Variants in LRP1B observed in about 807,000 individuals in gnomAD.
LRP1B encodes the protein low-density lipoprotein receptor-related protein 1B.
A neutral mutation model predicts 556.6 loss-of-function variants in LRP1B; 217 were observed. The observed-to-expected ratio is 0.39, with a 90% CI of 0.35 to 0.44. The LOEUF (loss-of-function observed/expected upper bound fraction) is 0.44. Ranked by LOEUF, LRP1B falls within the 20% of genes least tolerant of loss-of-function variation. LRP1B has a pLI of 1.00. For missense variants in LRP1B, 5,053 were observed against 5,620.8 expected, an observed-to-expected ratio of 0.90 and a Z score of 3.23; for synonymous variants, 2,047 against 1,865.8, an observed-to-expected ratio of 1.10 and a Z score of -2.50.
intron 51 of LRP1B, among the ~76,000 whole-genome samples, chr2:140,513,318 A>C (rs553947694): frequency 6.6e-6 from 1 of 152,246 alleles, no homozygotes; most frequent in Non-Finnish European, 1.5e-5. Context: ...GTGTCCACTC[A>C]GAAAGCACAG....
chr2:140,470,124 G>T (rs541455037), intron 60 of LRP1B, among the ~76,000 whole-genome samples: 5 of 152,232 alleles, frequency 3.3e-5, no homozygotes, highest in African/African-American at 1.2e-4. Context: ...ACAGTACAAG[G>T]TAATGCTCAA....
intron 3 of LRP1B, among the ~76,000 whole-genome samples, chr2:141,469,395 C>T (rs1475916482): frequency 6.6e-6 from 1 of 152,058 alleles, no homozygotes; most frequent in Non-Finnish European, 1.5e-5. Context: ...TAACAAAATA[C>T]CAGAGGCTTG....
intron 2 of LRP1B, among the ~76,000 whole-genome samples, chr2:141,557,534 G>T (rs1686004297): frequency 1.3e-5 from 2 of 151,982 alleles, no homozygotes; most frequent in South Asian, 4.1e-4. Flanking sequence ...TGTGAGTAAA[G>T]GTGATTCACA....
chr2:141,987,548 T>TG (rs1418665395), intron 1 of LRP1B, among the ~76,000 whole-genome samples: 6 of 50,398 alleles, frequency 1.2e-4, no homozygotes, highest in Admixed American at 8.0e-4. Flanking sequence ...TGATTTAAGC[T>TG]GTTTTTTTTT....
chr2:141,915,086 C>T (rs940644922), intron 1 of LRP1B, among the ~76,000 whole-genome samples: 3 of 152,166 alleles, frequency 2.0e-5, no homozygotes, highest in Admixed American at 6.5e-5. Context: ...ATCACATTGC[C>T]TGACTTCAAA....
intron 3 of LRP1B, among the ~76,000 whole-genome samples, chr2:141,308,638 T>C (rs548859486): frequency 6.6e-6 from 1 of 152,284 alleles, no homozygotes; most frequent in East Asian, 1.9e-4. Context: ...CGTTACCATG[T>C]TTTGTTGATA....
intron 32 of LRP1B, among the ~76,000 whole-genome samples, chr2:140,789,333 C>T (rs1261831333): frequency 6.6e-6 from 1 of 152,128 alleles, no homozygotes; most frequent in African/African-American, 2.4e-5. Context: ...ACCCCTGCTA[C>T]CACACTAGTC....
At chr2:140,314,886 T>C in intron 83 of LRP1B, 49 bp downstream of exon 83, 1 of 1,416,342 alleles carries the variant, frequency 7.1e-7, no homozygotes, top group Non-Finnish European at 9.6e-7. Flanking sequence ...GATTCATATA[T>C]AAGGAAAAGT....
At chr2:140,629,292 T>C (rs952189928) in intron 41 of LRP1B, among the ~76,000 whole-genome samples, 1 of 151,484 alleles carries the variant, frequency 6.6e-6, no homozygotes, top group East Asian at 1.9e-4. Context: ...GGTCTCAAAC[T>C]CCTGGCCTGT....
chr2:140,905,105 T>C (rs1393773845), intron 22 of LRP1B, among the ~76,000 whole-genome samples: 2 of 152,156 alleles, frequency 1.3e-5, no homozygotes, highest in Non-Finnish European at 2.9e-5. Flanking sequence ...ACTCTGTCCT[T>C]GACCAAACAC....
chr2:141,390,060 C>T (rs545480437), intron 3 of LRP1B, among the ~76,000 whole-genome samples: 1 of 152,088 alleles, frequency 6.6e-6, no homozygotes, highest in Non-Finnish European at 1.5e-5. Flanking sequence ...ATCGCTTGAA[C>T]CTGGGAGGTG....
chr2:141,018,804 C>T (rs1170904542), intron 12 of LRP1B, among the ~76,000 whole-genome samples: 1 of 152,048 alleles, frequency 6.6e-6, no homozygotes, highest in Non-Finnish European at 1.5e-5. Context: ...ACCAAAATTA[C>T]TTTATAATTA....
intron 2 of LRP1B, among the ~76,000 whole-genome samples, chr2:141,808,493 C>A (rs1274401107): frequency 6.6e-6 from 1 of 152,044 alleles, no homozygotes; most frequent in Non-Finnish European, 1.5e-5. Flanking sequence ...AGGGCCAAAG[C>A]ATTTATTATT....
chr2:140,657,411 A>C (rs962936833), intron 41 of LRP1B, among the ~76,000 whole-genome samples: 4 of 151,722 alleles, frequency 2.6e-5, no homozygotes, highest in African/African-American at 9.7e-5. Context: ...ATCTTTAGAT[A>C]TATACATTGA....
At position 142,058,517 on chromosome 2, in the gene LRP1B, C is replaced by A. The variant is rs564489686; in HGVS notation, c.82+72131G>T. On this transcript the variant is annotated intron_variant, in intron 1 of 90. Coordinates refer to ENST00000389484, the MANE Select transcript of LRP1B (RefSeq NM_018557.3). ...CTTTGAATGTGGCCTGAAACAAATT[C>A]AAAAACCTTCTCAAAACGTTATGAG... Among the ~76,000 whole-genome samples, 61 of 152,180 alleles carry A rather than the reference C, an allele frequency of 4.0e-4. 1 individual carries two copies. Among genetic ancestry groups the A allele is most frequent in the African/African-American group, 1.4e-3 (58 of 41,556 alleles).
At chr2:140,986,966 T>A (rs1435288687) in intron 17 of LRP1B, among the ~76,000 whole-genome samples, 1 of 152,206 alleles carries the variant, frequency 6.6e-6, no homozygotes, top group African/African-American at 2.4e-5. Context: ...CATTGGAAAG[T>A]CTTTTTATCT....
intron 32 of LRP1B, among the ~76,000 whole-genome samples, chr2:140,799,880 A>G (rs892297123): frequency 6.6e-6 from 1 of 152,126 alleles, no homozygotes; most frequent in Non-Finnish European, 1.5e-5. Flanking sequence ...TACCAGGTTC[A>G]TCTCACTGGG....
chr2:142,078,768 A>G (rs1282021293), intron 1 of LRP1B, among the ~76,000 whole-genome samples: 1 of 152,178 alleles, frequency 6.6e-6, no homozygotes, highest in Non-Finnish European at 1.5e-5. Flanking sequence ...ACCATGTGTA[A>G]CACATAATAG....
chr2:140,962,132 T>C (rs892190609), intron 18 of LRP1B, among the ~76,000 whole-genome samples: 9 of 152,200 alleles, frequency 5.9e-5, no homozygotes, highest in Non-Finnish European at 1.5e-5. Context: ...TTTCAGAACC[T>C]GTAAGGATTC....
Sources: gnomAD v4.1 joint callset for allele counts (sites outside exome capture counted in the v4.1 genomes callset) on GRCh38, gnomAD v4.1.1 for gene constraint, MANE v1.5 for transcripts, NCBI Gene and HGNC (gene_info 2026-07-23, HGNC 2026-07-21) for gene names.